CFAP47: variants seen among roughly 807,000 people sequenced by gnomAD.
The protein encoded by CFAP47 is cilia- and flagella-associated protein 47.
A neutral mutation model predicts 148.1 loss-of-function variants in CFAP47; 29 were observed. The ratio of observed to expected loss-of-function variants is 0.20; its 90% CI spans 0.15 to 0.27. The LOEUF (loss-of-function observed/expected upper bound fraction) is 0.27. CFAP47 is among the 10% of genes least tolerant of loss of function. The probability of loss-of-function intolerance (pLI) is 1.00; values close to 1 mark genes in which losing one functional copy is unlikely to be tolerated. For missense variants in CFAP47, 1,872 were observed against 1,697.5 expected, an observed-to-expected ratio of 1.10 and a Z score of -1.81; for synonymous variants, 664 against 577.3, an observed-to-expected ratio of 1.15 and a Z score of -2.15.
intron 2 of CFAP47, among the ~76,000 whole-genome samples, chrX:35,933,434 A>G (rs1180924447): frequency 8.9e-6 from 1 of 112,173 alleles, no homozygotes; most frequent in Non-Finnish European, 1.9e-5. Flanking sequence ...TTCATCGTGT[A>G]TATGTAGCAC....
intron 2 of CFAP47, among the ~76,000 whole-genome samples, chrX:35,930,655 T>C (rs947605560): frequency 7.2e-5 from 8 of 111,588 alleles, no homozygotes; most frequent in African/African-American, 2.6e-4. Flanking sequence ...GCCTATATTA[T>C]TATGTTGTTA....
At chrX:35,957,702 C>A (rs1377793983) in intron 8 of CFAP47, among the ~76,000 whole-genome samples, 2 of 111,789 alleles carry the variant, frequency 1.8e-5, no homozygotes, top group African/African-American at 6.5e-5. Context: ...ATAGCTAACT[C>A]CCCAATATTA....
chrX:36,188,939 GT>G lies in CFAP47; in HGVS notation c.6175+252del, dbSNP rs1939836750. Among the ~76,000 whole-genome samples the G allele has an allele frequency of 3.6e-5, 4 of 111,104 alleles. No individual in the cohort carries two copies. In the Admixed American group the frequency reaches 3.9e-4, roughly 11 times the overall value. On this transcript the variant is annotated intron_variant, in intron 41 of 63. Coordinates refer to ENST00000378653, the MANE Select transcript of CFAP47 (RefSeq NM_001304548.2). Reference sequence around the variant, plus strand: ...CTTCCCTCCAATGTACAAATAATGTGTTTAGATATATGGCCTATATGTCTCT... The same window carrying G: ...CTTCCCTCCAATGTACAAATAATGTGTTAGATATATGGCCTATATGTCTCT...
chrX:36,371,910 G>GTGTGTATATATGTGTATATACACACA (rs1569329823), intron 62 of CFAP47, among the ~76,000 whole-genome samples: 6 of 75,604 alleles, frequency 7.9e-5, no homozygotes, highest in Admixed American at 1.4e-4. Flanking sequence ...GTGTATATAT[G>GTGTGTATATATGTGTATATACACACA]TGTGTATATA....
chrX:36,044,084 C>T (rs1232008832), intron 25 of CFAP47, among the ~76,000 whole-genome samples: 2 of 113,237 alleles, frequency 1.8e-5, no homozygotes, highest in African/African-American at 6.4e-5. Context: ...CCCTTTTAGC[C>T]ACAGCTAGAG....
At chrX:36,213,828 C>T (rs1940128970) in intron 45 of CFAP47, among the ~76,000 whole-genome samples, 1 of 112,032 alleles carries the variant, frequency 8.9e-6, no homozygotes, top group African/African-American at 3.2e-5. Context: ...GAAAATAAAA[C>T]CTTAAGCAAT....
intron 51 of CFAP47, among the ~76,000 whole-genome samples, chrX:36,288,409 C>T (rs781973882): frequency 9.0e-6 from 1 of 111,690 alleles, no homozygotes; most frequent in East Asian, 2.8e-4. Context: ...GACAATAACC[C>T]GCTGTCTTTC....
At chrX:36,191,180 T>C (rs1373507018) in intron 42 of CFAP47, among the ~76,000 whole-genome samples, 2 of 111,803 alleles carry the variant, frequency 1.8e-5, no homozygotes, top group Non-Finnish European at 3.8e-5. Context: ...AGTAAATTCC[T>C]GCATATATAA....
At chrX:36,276,839 A>G (rs1178033324) in intron 49 of CFAP47, among the ~76,000 whole-genome samples, 1 of 112,231 alleles carries the variant, frequency 8.9e-6, no homozygotes, top group Non-Finnish European at 1.9e-5. Context: ...ACAATACACC[A>G]TGTGCAAAAT....
chrX:36,051,996 G>A (rs908187934), intron 26 of CFAP47, among the ~76,000 whole-genome samples: 1 of 111,740 alleles, frequency 8.9e-6, no homozygotes, highest in Non-Finnish European at 1.9e-5. Context: ...CATGTGAGAT[G>A]TGTTTTGCTT....
At chrX:36,148,905 G>A (rs1422344006) in intron 36 of CFAP47, among the ~76,000 whole-genome samples, 1 of 106,522 alleles carries the variant, frequency 9.4e-6, no homozygotes, top group South Asian at 4.1e-4. Flanking sequence ...GTATGTATGT[G>A]TGTGTGTGTG....
At chrX:36,046,340 TTAAG>T (rs1402009293) in intron 25 of CFAP47, among the ~76,000 whole-genome samples, 1 of 110,717 alleles carries the variant, frequency 9.0e-6, no homozygotes, top group African/African-American at 3.3e-5. Context: ...AAATGTATAA[TTAAG>T]TATGTCAACA....
At chrX:36,068,765 G>C (rs1429274332) in intron 27 of CFAP47, among the ~76,000 whole-genome samples, 1 of 107,690 alleles carries the variant, frequency 9.3e-6, no homozygotes, top group Admixed American at 1.0e-4. Flanking sequence ...AGACCATCCT[G>C]GCCAACATGG....
intron 1 of CFAP47, among the ~76,000 whole-genome samples, chrX:35,925,114 T>C (rs765819456): frequency 1.2e-4 from 13 of 111,926 alleles, no homozygotes; most frequent in Non-Finnish European, 1.7e-4. Context: ...GGCTCACGCC[T>C]GTAATCCCAG....
intron 33 of CFAP47, among the ~76,000 whole-genome samples, chrX:36,134,442 G>T (rs1302812938): frequency 1.1e-5 from 1 of 91,033 alleles, no homozygotes; most frequent in African/African-American, 4.1e-5. Flanking sequence ...TAGATCAAAA[G>T]AATAGAATTG....
intron 35 of CFAP47, among the ~76,000 whole-genome samples, chrX:36,142,156 G>A (rs1031962262): frequency 6.3e-5 from 7 of 111,564 alleles, no homozygotes; most frequent in African/African-American, 2.3e-4. Flanking sequence ...AATTATATTT[G>A]GCGTCTTATT....
At chrX:36,208,256 C>A (rs1261077248) in intron 45 of CFAP47, among the ~76,000 whole-genome samples, 2 of 111,506 alleles carry the variant, frequency 1.8e-5, no homozygotes, top group Non-Finnish European at 3.8e-5. Flanking sequence ...TCATCCATGA[C>A]AACTTTTTAA....
intron 29 of CFAP47, among the ~76,000 whole-genome samples, chrX:36,079,129 C>T (rs375382809): frequency 9.0e-6 from 1 of 111,020 alleles, no homozygotes. Context: ...TCATTTCAAC[C>T]TTGGTGAATC....
chrX:35,970,877 C>A lies in CFAP47; in HGVS notation c.1924C>A (p.Leu642Ile). 1 of 1,192,800 alleles carries A rather than the reference C, an allele frequency of 8.4e-7. No homozygotes were observed. The highest frequency in any genetic ancestry group is 1.8e-5 in the African/African-American group (1 of 56,848). ...ACATGAAAACTATTATGCAATGTAT[C>A]TTAAATATTTAAGAAGTGTGCGCTT... ...KLHENYYAMY[L>I]KYLRSVRLQK... The change falls in exon 11 of 64, where the codon CTT (leucine) becomes ATT (isoleucine). Residue 642 changes from leucine to isoleucine, a missense_variant. Leu to Ile is a conservative substitution (Grantham distance 5). Transcript: ENST00000378653.
Sources: allele counts gnomAD v4.1 joint callset (sites outside exome capture counted in the v4.1 genomes callset), GRCh38; gene constraint gnomAD v4.1.1; transcripts MANE v1.5; gene names NCBI Gene and HGNC (gene_info 2026-07-23, HGNC 2026-07-21).